Variants in DOP1B observed in about 807,000 individuals in gnomAD.
DOP1B encodes protein DOP1B.
In DOP1B, 174 loss-of-function variants were observed where a neutral mutation model predicts 233.5. The observed-to-expected ratio is 0.75, with a 90% CI of 0.66 to 0.85. The LOEUF (loss-of-function observed/expected upper bound fraction) is 0.85, where lower values mean the gene tolerates loss of function less well. DOP1B is among the 40% of genes least tolerant of loss of function. DOP1B has a pLI of 0.00. For synonymous variants in DOP1B, 1,190 were observed against 1,185.6 expected (o/e 1.00, Z -0.08); for missense variants, 2,652 against 2,846.6 (o/e 0.93, Z 1.56).
chr21:36,232,746 G>A (rs2066781602), intron 14 of DOP1B, 58 bp from the exon 15 acceptor site: 23 of 1,602,206 alleles, frequency 1.4e-5, no homozygotes, highest in Non-Finnish European at 2.0e-5. Context: ...CTGCAGACTG[G>A]GGACCCATTC....
chr21:36,189,481 T>A (rs951045186), intron 2 of DOP1B, among the ~76,000 whole-genome samples: 2 of 152,212 alleles, frequency 1.3e-5, no homozygotes, highest in Admixed American at 6.5e-5. Flanking sequence ...ACACCTGTAA[T>A]CCCAGCACTT....
At chr21:36,162,504 A>G (rs1229058766) in intron 1 of DOP1B, among the ~76,000 whole-genome samples, 1 of 151,970 alleles carries the variant, frequency 6.6e-6, no homozygotes, top group East Asian at 1.9e-4. Flanking sequence ...CTTTTAAAAG[A>G]GCACTAATCC....
intron 2 of DOP1B, chr21:36,168,905 T>A (rs910609858): frequency 3.8e-5 from 18 of 476,924 alleles, no homozygotes; most frequent in Middle Eastern, 6.2e-4. Context: ...TTTTTTTTTT[T>A]AATTAATAAT....
chr21:36,200,545 A>G (rs374871839), intron 4 of DOP1B, 44 bp downstream of exon 4: 2 of 1,544,976 alleles, frequency 1.3e-6, no homozygotes, highest in African/African-American at 1.4e-5. Context: ...CCACTGCTTT[A>G]TAAGACGCGG....
intron 1 of DOP1B, among the ~76,000 whole-genome samples, chr21:36,158,646 T>C (rs2065841895): frequency 6.6e-6 from 1 of 151,146 alleles, no homozygotes; most frequent in South Asian, 2.1e-4. Flanking sequence ...CTACTAAAAA[T>C]ACAAAAATTA....
In DOP1B at chr21:36,246,208, G is replaced by T. The variant is rs144016996; in HGVS notation, c.4228G>T (p.Gly1410Cys). 4.4e-5 allele frequency: 71 copies of T among 1,613,832 alleles called. 3 individuals are homozygous for T. The highest frequency in any genetic ancestry group is 3.8e-4 in the South Asian group (35 of 91,080). The change falls in exon 19 of 37, where the codon GGC becomes TGC. Residue 1410 changes from glycine (G) to cysteine (C), a missense_variant. This residue lies in a region of DOP1B where 2,617 missense variants were observed against 2,794.3 expected (regional missense o/e 0.94). Transcript: ENST00000691173. This position sits in a 1 kb window ranked among gnomAD's most constrained non-coding sequence, Gnocchi z 5.1. ...CTACGGGCTGGCCACCGCCCACCACGGCAGGGCCCTGCCAGAGGACAGCCT... is the reference window on the plus strand; with the variant it reads ...CTACGGGCTGGCCACCGCCCACCACTGCAGGGCCCTGCCAGAGGACAGCCT... ...KRYGLATAHH[G>C]RALPEDSLFE... is the part of the protein sequence containing the mutation.
intron 36 of DOP1B, among the ~76,000 whole-genome samples, chr21:36,292,542 C>T (rs902857468): frequency 1.3e-5 from 2 of 151,780 alleles, no homozygotes; most frequent in Non-Finnish European, 2.9e-5. Flanking sequence ...CTCCTCTCAG[C>T]CTCTGGAATA....
intron 2 of DOP1B, among the ~76,000 whole-genome samples, chr21:36,171,485 T>G (rs866316424): frequency 6.6e-6 from 1 of 152,116 alleles, no homozygotes; most frequent in South Asian, 2.1e-4. Context: ...AGGAGGTCAT[T>G]AGGGGGTGGC....
chr21:36,211,307 C>T (rs1051947830), intron 5 of DOP1B, among the ~76,000 whole-genome samples: 7 of 152,160 alleles, frequency 4.6e-5, no homozygotes, highest in African/African-American at 1.2e-4. Flanking sequence ...TCATAGAACC[C>T]GGCCATCTGG....
intron 27 of DOP1B, among the ~76,000 whole-genome samples, chr21:36,274,857 T>G (rs761256057): frequency 3.0e-4 from 45 of 152,204 alleles, no homozygotes; most frequent in Admixed American, 5.9e-4. Flanking sequence ...TTTTGTGTGT[T>G]TGTTTGAGAT....
intron 13 of DOP1B, 28 bp from the exon 14 acceptor site, chr21:36,230,422 A>C: frequency 6.3e-7 from 1 of 1,580,520 alleles, no homozygotes; most frequent in Non-Finnish European, 8.6e-7. Flanking sequence ...TAAGAGATGC[A>C]CAATTCACAT....
chr21:36,292,065 TCTTAC>T, intron 35 of DOP1B, 34 bp from the exon 36 acceptor site: 3 of 1,564,468 alleles, frequency 1.9e-6, no homozygotes, highest in Non-Finnish European at 2.6e-6. Context: ...GTTGAAGGCC[TCTTAC>T]CAGCAGACCT....
intron 13 of DOP1B, 138 bp downstream of exon 13, chr21:36,228,015 TAAA>T: frequency 1.1e-6 from 1 of 903,364 alleles, no homozygotes; most frequent in East Asian, 2.8e-5. Flanking sequence ...AATATGCTTG[TAAA>T]ACCCTCACTT....
chr21:36,244,019 CTTTTTTT>C (rs35020490), intron 18 of DOP1B, among the ~76,000 whole-genome samples: 8 of 70,604 alleles, frequency 1.1e-4, no homozygotes, highest in Admixed American at 2.2e-4. Context: ...TTTTCCTTTC[CTTTTTTT>C]TTTTTTTTTT....
At chr21:36,209,560 G>C (rs983730422) in intron 5 of DOP1B, among the ~76,000 whole-genome samples, 1 of 151,992 alleles carries the variant, frequency 6.6e-6, no homozygotes, top group Non-Finnish European at 1.5e-5. Flanking sequence ...CCTGTGTCAC[G>C]GGGGCCACTG....
chr21:36,255,521 C>T (rs1023843739), intron 23 of DOP1B, among the ~76,000 whole-genome samples: 3 of 151,886 alleles, frequency 2.0e-5, no homozygotes, highest in South Asian at 2.1e-4. Flanking sequence ...CACAGCTCAC[C>T]ATAGCCTCGA....
chr21:36,235,860 A>C, intron 15 of DOP1B, among the ~76,000 whole-genome samples: 2 of 112,390 alleles, frequency 1.8e-5, no homozygotes, highest in Admixed American at 1.0e-4. Flanking sequence ...ACAGCAAGGA[A>C]GTCGGGGGGG....
At chr21:36,217,860 G>T (rs886121538) in intron 9 of DOP1B, among the ~76,000 whole-genome samples, 1 of 152,206 alleles carries the variant, frequency 6.6e-6, no homozygotes, top group Non-Finnish European at 1.5e-5. Flanking sequence ...ATTAAAAGAA[G>T]AAAATATAAC....
rs7280913 is a variant in DOP1B at position 36,199,533 on chromosome 21, C to T, written c.320+282C>T. Among the ~76,000 whole-genome samples, 775 of 152,134 alleles carry T rather than the reference C, an allele frequency of 5.1e-3. 6 individuals carry two copies. Among genetic ancestry groups the T allele is most frequent in the African/African-American group, 0.017 (722 of 41,486 alleles). ...ACATGTGCCATGTTGGTGTGCTGCACCCATTAACTCGTCATTTACATTAGG... is the reference window on the plus strand; with the variant it reads ...ACATGTGCCATGTTGGTGTGCTGCATCCATTAACTCGTCATTTACATTAGG... On this transcript the variant is annotated intron_variant, in intron 3 of 36. Transcript: ENST00000691173.
Sources: gnomAD v4.1 joint callset for allele counts (sites outside exome capture counted in the v4.1 genomes callset) on GRCh38, gnomAD v4.1.1 for gene constraint, gnomAD v4.1.1 regional missense constraint, Gnocchi (gnomAD v3.1) non-coding constraint, MANE v1.5 for transcripts, NCBI Gene and HGNC (gene_info 2026-07-23, HGNC 2026-07-21) for gene names.